Variants in KCNN2 observed in about 807,000 individuals in gnomAD.
KCNN2 encodes the protein potassium calcium-activated channel subfamily N member 2, also known as small conductance calcium-activated potassium channel protein 2.
A neutral mutation model predicts 55.5 loss-of-function variants in KCNN2; 24 were observed. That is an observed-to-expected ratio of 0.43 (90% CI 0.31 to 0.61). KCNN2 has a LOEUF of 0.61. KCNN2 is among the 20% of genes least tolerant of loss of function. The pLI is 0.08. For missense variants in KCNN2, 754 were observed against 853.6 expected (o/e 0.88, Z 1.45); for synonymous variants, 431 against 336.1 (o/e 1.28, Z -3.09).
At chr5:114,389,882 AT>A (rs1758405716) in intron 2 of KCNN2, among the ~76,000 whole-genome samples, 1 of 152,150 alleles carries the variant, frequency 6.6e-6, no homozygotes, top group South Asian at 2.1e-4. Flanking sequence ...CTTTATAAAT[AT>A]TGATTTGCTT....
chr5:114,122,978 C>G (rs919336154), intron 1 of KCNN2, among the ~76,000 whole-genome samples: 1 of 152,198 alleles, frequency 6.6e-6, no homozygotes, highest in Admixed American at 6.5e-5. Flanking sequence ...TGTAATGTAA[C>G]CAGGAGGTTT....
intron 3 of KCNN2, among the ~76,000 whole-genome samples, chr5:114,458,980 A>G (rs1761064872): frequency 6.6e-6 from 1 of 152,178 alleles, no homozygotes; most frequent in Non-Finnish European, 1.5e-5. Flanking sequence ...AGAGGCCATC[A>G]CTCTCTTGGG....
chr5:114,405,834 C>A (rs993850159), intron 3 of KCNN2, among the ~76,000 whole-genome samples: 4 of 151,872 alleles, frequency 2.6e-5, no homozygotes, highest in African/African-American at 7.2e-5. Context: ...CCTCAGCCTC[C>A]CGAGTAGCTG....
intron 1 of KCNN2, among the ~76,000 whole-genome samples, chr5:114,057,870 G>C (rs923225132): frequency 6.6e-6 from 1 of 152,166 alleles, no homozygotes; most frequent in African/African-American, 2.4e-5. Context: ...ATATGCATTT[G>C]GTTGGCCCCA....
intron 1 of KCNN2, among the ~76,000 whole-genome samples, chr5:114,184,355 C>T (rs1224325781): frequency 6.6e-6 from 1 of 152,046 alleles, no homozygotes; most frequent in East Asian, 1.9e-4. Context: ...TTGATAAATT[C>T]CTGGCAGTGT....
chr5:114,332,052 T>C (rs988741649), intron 2 of KCNN2, among the ~76,000 whole-genome samples: 1 of 152,196 alleles, frequency 6.6e-6, no homozygotes, highest in East Asian at 1.9e-4. Flanking sequence ...TGTGAATTAT[T>C]TGAGACTTCA....
intron 1 of KCNN2, among the ~76,000 whole-genome samples, chr5:114,175,234 C>T (rs1420166521): frequency 6.6e-6 from 1 of 152,270 alleles, no homozygotes; most frequent in Middle Eastern, 3.4e-3. Flanking sequence ...TATTCTCACA[C>T]ATAAAATGTT....
intron 3 of KCNN2, among the ~76,000 whole-genome samples, chr5:114,459,350 A>G (rs1761084821): frequency 6.6e-6 from 1 of 152,232 alleles, no homozygotes; most frequent in South Asian, 2.1e-4. Flanking sequence ...TCATTTCTTC[A>G]TGCCTTTCTC....
At chr5:114,213,131 A>G (rs754238153) in intron 1 of KCNN2, among the ~76,000 whole-genome samples, 29 of 152,104 alleles carry the variant, frequency 1.9e-4, no homozygotes, top group Non-Finnish European at 3.1e-4. Context: ...AGGCCATTAG[A>G]AATTCCTTTG....
At position 114,251,612 on chromosome 5, in the gene KCNN2, C is replaced by T. The variant is rs1463202624; in HGVS notation, c.-185+30047C>T. Reference sequence around the variant, plus strand: ...CATTTAGTCTTTTCTTTGTTACATTCAGTAAGTTCTTGACTTTGAAATAAA... The same window carrying T: ...CATTTAGTCTTTTCTTTGTTACATTTAGTAAGTTCTTGACTTTGAAATAAA... On this transcript the variant is annotated intron_variant, in intron 2 of 10. Coordinates refer to the KCNN2 transcript ENST00000512097. Among the ~76,000 whole-genome samples the T allele has an allele frequency of 6.6e-5, 10 of 152,232 alleles. No homozygotes were observed. In the East Asian group the frequency reaches 1.7e-3, roughly 26 times the overall value.
intron 1 of KCNN2, among the ~76,000 whole-genome samples, chr5:114,062,138 A>G (rs151140358): frequency 1.8e-3 from 271 of 152,054 alleles, no homozygotes; most frequent in African/African-American, 6.0e-3. Flanking sequence ...AGGAAAGTAA[A>G]CTTCACAGAC....
chr5:114,137,684 C>T (rs978808433), intron 1 of KCNN2, among the ~76,000 whole-genome samples: 1 of 152,030 alleles, frequency 6.6e-6, no homozygotes, highest in African/African-American at 2.4e-5. Context: ...CTGACTGCCT[C>T]ATTGGCTCTA....
Position 114,416,395 on chromosome 5 carries a change from C to T in KCNN2, c.1637+11539C>T, listed in dbSNP as rs576477353. Among the ~76,000 whole-genome samples, 6 of 152,152 alleles carry T rather than the reference C, an allele frequency of 3.9e-5. No homozygotes were observed. The East Asian group carries it at 9.7e-4, about 24-fold the overall frequency. Reference sequence around the variant, plus strand: ...GACATTGTGAAAAACCAAGCTCCTCCGTCCCTTTTAGGTGACCTTGCTGGT... The same window carrying T: ...GACATTGTGAAAAACCAAGCTCCTCTGTCCCTTTTAGGTGACCTTGCTGGT... On this transcript the variant is annotated intron_variant, in intron 3 of 7. Coordinates refer to ENST00000673685, the MANE Select transcript of KCNN2 (RefSeq NM_021614.4).
rs1337129656 is a variant in KCNN2 at position 114,439,052 on chromosome 5, C to T, written c.1638-23997C>T. Among the ~76,000 whole-genome samples, 5 of 152,100 alleles carry T rather than the reference C, an allele frequency of 3.3e-5. No homozygotes were observed. In the East Asian group the frequency reaches 5.8e-4, roughly 18 times the overall value. On this transcript the variant is annotated intron_variant, in intron 3 of 7. Coordinates refer to ENST00000673685, the MANE Select transcript of KCNN2 (RefSeq NM_021614.4). ...AAATTCAAAGGAAAAATGTACAGTACATAAAAAAATCTGAAATTTCATATT... is the reference window on the plus strand; with the variant it reads ...AAATTCAAAGGAAAAATGTACAGTATATAAAAAAATCTGAAATTTCATATT...
intron 1 of KCNN2, among the ~76,000 whole-genome samples, chr5:114,212,537 T>TA (rs1407673470): frequency 6.6e-6 from 1 of 152,034 alleles, no homozygotes; most frequent in Non-Finnish European, 1.5e-5. Flanking sequence ...TATATATCAA[T>TA]AAAGCTGTTA....
chr5:114,184,051 A>G (rs184643578), intron 1 of KCNN2, among the ~76,000 whole-genome samples: 1 of 152,162 alleles, frequency 6.6e-6, no homozygotes. Context: ...CTTTTAGTCC[A>G]GTGTTCTTTG....
At chr5:114,065,999 C>G (rs78628825) in intron 1 of KCNN2, among the ~76,000 whole-genome samples, 2,547 of 151,542 alleles carry the variant, frequency 0.017, 32 homozygotes, top group Non-Finnish European at 0.023. Flanking sequence ...ATTTTGCAAT[C>G]CAGTCTGAAC....
intron 1 of KCNN2, among the ~76,000 whole-genome samples, chr5:114,151,379 C>G (rs966365563): frequency 2.6e-5 from 4 of 152,096 alleles, no homozygotes; most frequent in Admixed American, 2.6e-4. Flanking sequence ...TGTTCTCATT[C>G]CACCGTCCTG....
intron 3 of KCNN2, among the ~76,000 whole-genome samples, chr5:114,414,728 A>G (rs1238867392): frequency 6.6e-6 from 1 of 152,246 alleles, no homozygotes; most frequent in African/African-American, 2.4e-5. Flanking sequence ...GTGAATAAAT[A>G]TTAGAATTTA....
Sources: allele counts gnomAD v4.1 joint callset (sites outside exome capture counted in the v4.1 genomes callset), GRCh38; gene constraint gnomAD v4.1.1; transcripts MANE v1.5; gene names NCBI Gene and HGNC (gene_info 2026-07-23, HGNC 2026-07-21).